Variants in AGAP1 observed in about 807,000 individuals in gnomAD.
AGAP1 encodes the protein ArfGAP with GTPase domain, ankyrin repeat and PH domain 1.
A neutral mutation model predicts 105.3 loss-of-function variants in AGAP1; 29 were observed. The observed-to-expected ratio is 0.28, with a 90% CI of 0.21 to 0.38. The LOEUF (loss-of-function observed/expected upper bound fraction) is 0.38. AGAP1 is among the 10% of genes least tolerant of loss of function. AGAP1 has a pLI of 1.00. For missense variants in AGAP1, 998 were observed against 1,165.1 expected (o/e 0.86, Z 2.09); for synonymous variants, 509 against 485.9 (o/e 1.05, Z -0.63).
intron 1 of AGAP1, among the ~76,000 whole-genome samples, chr2:235,495,766 A>G (rs1941290549): frequency 6.6e-6 from 1 of 152,212 alleles, no homozygotes; most frequent in African/African-American, 2.4e-5. Flanking sequence ...GGTCCGGCCA[A>G]GACTCACCTG....
At chr2:235,768,931 A>T (rs554433395) in intron 6 of AGAP1, among the ~76,000 whole-genome samples, 1 of 152,320 alleles carries the variant, frequency 6.6e-6, no homozygotes, top group Non-Finnish European at 1.5e-5. Context: ...GCCGAAATAC[A>T]GTTTGAAAAA....
intron 11 of AGAP1, among the ~76,000 whole-genome samples, chr2:235,926,306 G>A (rs2052442530): frequency 6.6e-6 from 1 of 152,208 alleles, no homozygotes; most frequent in Admixed American, 6.5e-5. Flanking sequence ...TTCTTTGACG[G>A]GTGGATTTAC....
chr2:235,683,762 A>G (rs1361375901), intron 1 of AGAP1, among the ~76,000 whole-genome samples: 5 of 151,532 alleles, frequency 3.3e-5, no homozygotes, highest in Admixed American at 1.3e-4. Flanking sequence ...GGTTTGTTAC[A>G]TAGGTATACA....
Position 236,101,558 on chromosome 2 carries a change from C to T in AGAP1, c.2115-18634C>T, listed in dbSNP as rs1046117148. On this transcript the variant is annotated intron_variant, in intron 16 of 17. Transcript: ENST00000304032. This position sits in a 1 kb window ranked among gnomAD's most constrained non-coding sequence, Gnocchi z 4.9. ...TGAGAAGAGCCTTGGCTGTTCCTCT[C>T]CCTGGTGTTTAAAGGGCGTCGGTGC... is the stretch of plus-strand genomic sequence containing the variant. Among the ~76,000 whole-genome samples the T allele has an allele frequency of 6.6e-6, 1 of 152,214 alleles. No individual in the cohort carries two copies. Among genetic ancestry groups the T allele is most frequent in the Non-Finnish European group, 1.5e-5 (1 of 68,032 alleles).
chr2:236,024,450 A>G (rs1193056733), intron 13 of AGAP1, among the ~76,000 whole-genome samples: 2 of 151,876 alleles, frequency 1.3e-5, no homozygotes, highest in Non-Finnish European at 2.9e-5. Flanking sequence ...TTTCCCTGAG[A>G]CCTGTGTGTG....
Position 235,553,718 on chromosome 2 carries a change from C to T in AGAP1, c.163+58869C>T, listed in dbSNP as rs1051481891. ...TGGAGGGAGCCAACTGCCAGAGTCT[C>T]AAGCAGGTGAGGGTGGGGTGCAGGA... is the stretch of plus-strand genomic sequence containing the variant. On this transcript the variant is annotated intron_variant, in intron 1 of 17. Coordinates refer to ENST00000304032, the MANE Select transcript of AGAP1 (RefSeq NM_001037131.3). This position sits in a 1 kb window ranked among gnomAD's most constrained non-coding sequence, Gnocchi z 4.5. Among the ~76,000 whole-genome samples, 7 of 152,126 alleles carry T rather than the reference C, an allele frequency of 4.6e-5. No individual in the cohort carries two copies. Among genetic ancestry groups the T allele is most frequent in the South Asian group, 2.1e-4 (1 of 4,816 alleles).
At chr2:235,954,980 A>G (rs923837806) in intron 12 of AGAP1, among the ~76,000 whole-genome samples, 2 of 152,150 alleles carry the variant, frequency 1.3e-5, no homozygotes, top group Non-Finnish European at 2.9e-5. Context: ...CGTGGAGGGT[A>G]GAGTTGCCTT....
At chr2:235,679,978 A>G (rs1433761240) in intron 1 of AGAP1, among the ~76,000 whole-genome samples, 1 of 152,238 alleles carries the variant, frequency 6.6e-6, no homozygotes, top group Non-Finnish European at 1.5e-5. Flanking sequence ...TGACGCTGAC[A>G]TTTTGACTGT....
At chr2:235,546,711 C>A (rs1313639766) in intron 1 of AGAP1, among the ~76,000 whole-genome samples, 2 of 152,130 alleles carry the variant, frequency 1.3e-5, no homozygotes, top group Non-Finnish European at 2.9e-5. Context: ...GTTTGGAGTC[C>A]AGAACCACAT....
At chr2:235,572,604 C>A (rs1944565687) in intron 1 of AGAP1, among the ~76,000 whole-genome samples, 1 of 152,236 alleles carries the variant, frequency 6.6e-6, no homozygotes, top group Admixed American at 6.5e-5. Context: ...TTCCTGCCCA[C>A]TTCTCTGCAC....
rs2057448322 is a variant in AGAP1 at position 236,038,476 on chromosome 2, C to T, written c.1800+1761C>T. Among the ~76,000 whole-genome samples, 1 of 152,200 alleles carries T rather than the reference C, an allele frequency of 6.6e-6. No homozygotes were observed. The highest frequency in any genetic ancestry group is 2.1e-4 in the South Asian group (1 of 4,832). On this transcript the variant is annotated intron_variant, in intron 14 of 17. Transcript: ENST00000304032. This position sits in a 1 kb window ranked among gnomAD's most constrained non-coding sequence, Gnocchi z 4.5. ...CTCGTGTCTCAGCTCATGCACACAC[C>T]AGCCTTAGAATGCTGCCCTCGGCCC...
At chr2:235,768,968 A>G (rs1304608960) in intron 6 of AGAP1, among the ~76,000 whole-genome samples, 1 of 152,236 alleles carries the variant, frequency 6.6e-6, no homozygotes, top group African/African-American at 2.4e-5. Flanking sequence ...AGGATTCCTG[A>G]TGACAGACCT....
intron 13 of AGAP1, among the ~76,000 whole-genome samples, chr2:236,026,668 G>C (rs1046221457): frequency 6.6e-6 from 1 of 152,186 alleles, no homozygotes; most frequent in Non-Finnish European, 1.5e-5. Context: ...GGGGGAGGTT[G>C]CAGTGAGCTG....
rs1478311619 is a variant in AGAP1, at chr2:235,551,066, G to C, written c.163+56217G>C. ...TGGGATTACAGGCGTGAGCCACCGC[G>C]CTCGGCCATAGATAGTGTTTCTTAA... On this transcript the variant is annotated intron_variant, in intron 1 of 17. Transcript: ENST00000304032. This position sits in a 1 kb window ranked among gnomAD's most constrained non-coding sequence, Gnocchi z 4.8. Among the ~76,000 whole-genome samples, 1 of 152,072 alleles carries C rather than the reference G, an allele frequency of 6.6e-6. No individual in the cohort carries two copies. Among genetic ancestry groups the C allele is most frequent in the Admixed American group, 6.5e-5 (1 of 15,270 alleles).
rs1952054939 is a variant in AGAP1 at position 235,733,278 on chromosome 2, C to T, written c.311-7685C>T. Among the ~76,000 whole-genome samples the T allele has an allele frequency of 6.6e-6, 1 of 152,194 alleles. No individual in the cohort carries two copies. Among genetic ancestry groups the T allele is most frequent in the South Asian group, 2.1e-4 (1 of 4,828 alleles). On this transcript the variant is annotated intron_variant, in intron 3 of 17. Coordinates refer to ENST00000304032, the MANE Select transcript of AGAP1 (RefSeq NM_001037131.3). The surrounding 1 kb of genome is among the most constrained non-coding windows in gnomAD (Gnocchi z 5.0). ...GCCGGCCATTCACTTCCAAGGCTTT[C>T]TTATTTCCATTCCTCAGTCAGGAGA...
In AGAP1 at chr2:236,095,155, G is replaced by A. The variant is rs1453224654; in HGVS notation, c.2115-25037G>A. On this transcript the variant is annotated intron_variant, in intron 16 of 17. Coordinates refer to ENST00000304032, the MANE Select transcript of AGAP1 (RefSeq NM_001037131.3). The surrounding 1 kb of genome is among the most constrained non-coding windows in gnomAD (Gnocchi z 4.1). ...TTGACGCCTGTAATTCCAACACTTC[G>A]GGAGGCCAAGGCGGGTGGATTGCTT... Among the ~76,000 whole-genome samples the A allele has an allele frequency of 6.6e-6, 1 of 151,768 alleles. No homozygotes were observed. Among genetic ancestry groups the A allele is most frequent in the Non-Finnish European group, 1.5e-5 (1 of 67,972 alleles).
chr2:235,844,135 A>T (rs1439821279), intron 9 of AGAP1, among the ~76,000 whole-genome samples: 1 of 152,190 alleles, frequency 6.6e-6, no homozygotes, highest in Non-Finnish European at 1.5e-5. Flanking sequence ...TCTGCCTGTG[A>T]GAGTCCTCGG....
In AGAP1 at chr2:236,002,062, G is replaced by A. The variant is rs1025196252; in HGVS notation, c.1645+33439G>A. 1.2e-4 allele frequency among the ~76,000 whole-genome samples: 18 copies of A among 152,176 alleles called. No individual in the cohort carries two copies. The highest frequency in any genetic ancestry group is 4.1e-4 in the African/African-American group (17 of 41,450). ...CATGAGAAACAGCTAGACTTGGGAT[G>A]TCTGTGTTGACAGGGCCATGGGTGA... On this transcript the variant is annotated intron_variant, in intron 13 of 17. Transcript: ENST00000304032. The surrounding 1 kb of genome is among the most constrained non-coding windows in gnomAD (Gnocchi z 4.3).
Position 235,600,657 on chromosome 2 carries a change from C to T in AGAP1, c.163+105808C>T, listed in dbSNP as rs948343570. Among the ~76,000 whole-genome samples the T allele has an allele frequency of 6.6e-6, 1 of 152,204 alleles. No individual in the cohort carries two copies. Among genetic ancestry groups the T allele is most frequent in the African/African-American group, 2.4e-5 (1 of 41,446 alleles). On this transcript the variant is annotated intron_variant, in intron 1 of 17. Transcript: ENST00000304032. The surrounding 1 kb of genome is among the most constrained non-coding windows in gnomAD (Gnocchi z 4.8). ...CTGATGTTCGAGGGCAGGAAGCATC[C>T]AGCACAGGACAAAGATACAGGCTGG...
Sources: allele counts gnomAD v4.1 joint callset (sites outside exome capture counted in the v4.1 genomes callset), GRCh38; gene constraint gnomAD v4.1.1; non-coding constraint Gnocchi (gnomAD v3.1); transcripts MANE v1.5; gene names NCBI Gene and HGNC (gene_info 2026-07-23, HGNC 2026-07-21).